EPHA6: variants seen among roughly 807,000 people sequenced by gnomAD.
EPHA6 encodes the protein ephrin type-A receptor 6.
A neutral mutation model predicts 112.0 loss-of-function variants in EPHA6; 50 were observed. The observed-to-expected ratio is 0.45, with a 90% confidence interval of 0.36 to 0.56. The LOEUF (loss-of-function observed/expected upper bound fraction) is 0.56, where lower values mean the gene tolerates loss of function less well. EPHA6 is among the 20% of genes least tolerant of loss of function. EPHA6 has a pLI of 0.00. For missense variants in EPHA6, 1,280 were observed against 1,417.4 expected (o/e 0.90, Z 1.56); for synonymous variants, 529 against 490.7 (o/e 1.08, Z -1.03).
chr3:97,708,451 G>C (rs532691539), intron 14 of EPHA6, among the ~76,000 whole-genome samples: 1 of 152,224 alleles, frequency 6.6e-6, no homozygotes, highest in African/African-American at 2.4e-5. Flanking sequence ...TGTACACAAA[G>C]AGATGGTCTG....
chr3:97,252,388 G>A (rs1456960178), intron 5 of EPHA6, among the ~76,000 whole-genome samples: 2 of 152,068 alleles, frequency 1.3e-5, no homozygotes, highest in East Asian at 1.9e-4. Context: ...CTGCAAAGCA[G>A]AAACAGCTAC....
At chr3:96,868,190 CAG>C (rs916659826) in intron 2 of EPHA6, among the ~76,000 whole-genome samples, 8 of 141,056 alleles carry the variant, frequency 5.7e-5, no homozygotes, top group African/African-American at 1.7e-4. Flanking sequence ...GAGAGAGAGA[CAG>C]AGTGTGTGTG....
At chr3:97,490,085 T>C (rs2091801173) in intron 10 of EPHA6, among the ~76,000 whole-genome samples, 1 of 152,030 alleles carries the variant, frequency 6.6e-6, no homozygotes, top group Admixed American at 6.5e-5. Flanking sequence ...GTTTAATAAA[T>C]AAATAAAATT....
At chr3:97,660,298 T>C (rs968878581) in intron 14 of EPHA6, among the ~76,000 whole-genome samples, 1 of 152,088 alleles carries the variant, frequency 6.6e-6, no homozygotes, top group African/African-American at 2.4e-5. Context: ...TTTTCATCAA[T>C]ATAGTTTCTA....
intron 2 of EPHA6, among the ~76,000 whole-genome samples, chr3:96,975,282 A>C (rs1352682698): frequency 6.6e-6 from 1 of 152,112 alleles, no homozygotes; most frequent in Non-Finnish European, 1.5e-5. Context: ...ATGAAGCTCC[A>C]GGCCCAGCCC....
chr3:97,536,886 A>G (rs1277838758), intron 11 of EPHA6, among the ~76,000 whole-genome samples: 1 of 152,192 alleles, frequency 6.6e-6, no homozygotes, highest in Non-Finnish European at 1.5e-5. Context: ...GTGTAAGTAA[A>G]TTAGACTAGA....
At chr3:97,129,165 T>A (rs2048266057) in intron 3 of EPHA6, among the ~76,000 whole-genome samples, 1 of 152,108 alleles carries the variant, frequency 6.6e-6, no homozygotes, top group Non-Finnish European at 1.5e-5. Flanking sequence ...TAGAATCACC[T>A]GTCTATAGTA....
At chr3:97,019,761 A>G (rs2044388242) in intron 3 of EPHA6, among the ~76,000 whole-genome samples, 1 of 152,152 alleles carries the variant, frequency 6.6e-6, no homozygotes, top group Non-Finnish European at 1.5e-5. Context: ...ACTCGAGAAC[A>G]TGTATATACA....
chr3:97,185,742 C>T lies in EPHA6; in HGVS notation c.1115-40522C>T, dbSNP rs201883278. 2.2e-3 allele frequency among the ~76,000 whole-genome samples: 341 copies of T among 151,920 alleles called. 2 individuals carry two copies. Among genetic ancestry groups the T allele is most frequent in the African/African-American group, 7.2e-3 (296 of 41,370 alleles). ...ATACCCAAAGGATTATAAATCATGCCGCTATAAAGACACATGCACACGTAT... is the reference window on the plus strand; with the variant it reads ...ATACCCAAAGGATTATAAATCATGCTGCTATAAAGACACATGCACACGTAT... On this transcript the variant is annotated intron_variant, in intron 3 of 17. Coordinates refer to ENST00000389672, the MANE Select transcript of EPHA6 (RefSeq NM_001080448.3).
intron 5 of EPHA6, among the ~76,000 whole-genome samples, chr3:97,372,793 A>G (rs2085136563): frequency 1.3e-5 from 2 of 152,148 alleles, no homozygotes; most frequent in Admixed American, 6.6e-5. Context: ...TATAACATGC[A>G]TTGTTTAAGT....
chr3:97,063,132 G>C (rs1435131194), intron 3 of EPHA6, among the ~76,000 whole-genome samples: 1 of 152,142 alleles, frequency 6.6e-6, no homozygotes. Flanking sequence ...CATTGTGGAA[G>C]ACAGTGTGGC....
At chr3:96,862,511 G>A (rs1027911877) in intron 1 of EPHA6, among the ~76,000 whole-genome samples, 2 of 151,736 alleles carry the variant, frequency 1.3e-5, no homozygotes, top group African/African-American at 2.4e-5. Context: ...CAATTTACAT[G>A]ACATTGACTT....
At chr3:97,094,738 T>C (rs2047184598) in intron 3 of EPHA6, among the ~76,000 whole-genome samples, 3 of 152,138 alleles carry the variant, frequency 2.0e-5, no homozygotes, top group Admixed American at 6.6e-5. Context: ...ATTTTAGCCT[T>C]CACATTTTAA....
chr3:96,917,442 A>AT (rs977057513), intron 2 of EPHA6, among the ~76,000 whole-genome samples: 1 of 150,154 alleles, frequency 6.7e-6, no homozygotes, highest in Non-Finnish European at 1.5e-5. Flanking sequence ...AAAAAAAAGA[A>AT]TTTTTTTTCA....
chr3:97,244,701 A>T (rs2078938091), intron 5 of EPHA6: 1 of 198,788 alleles, frequency 5.0e-6, no homozygotes, highest in Non-Finnish European at 1.0e-5. Flanking sequence ...TTAAAACTAT[A>T]ATTCATGTCT....
intron 11 of EPHA6, among the ~76,000 whole-genome samples, chr3:97,539,481 TA>T (rs1423009960): frequency 5.9e-5 from 9 of 152,132 alleles, no homozygotes; most frequent in African/African-American, 2.2e-4. Context: ...AGGTGTTCAG[TA>T]ATGAATAAGA....
intron 14 of EPHA6, chr3:97,648,628 A>C: frequency 9.0e-7 from 1 of 1,116,688 alleles, no homozygotes; most frequent in Non-Finnish European, 1.1e-6. Flanking sequence ...ATTCGTCTGG[A>C]GATCATGCTT....
chr3:96,930,065 A>G (rs1265681744), intron 2 of EPHA6, among the ~76,000 whole-genome samples: 1 of 152,178 alleles, frequency 6.6e-6, no homozygotes, highest in Non-Finnish European at 1.5e-5. Context: ...TTCAGGTCTA[A>G]CAGGTTAATT....
intron 3 of EPHA6, among the ~76,000 whole-genome samples, chr3:97,144,109 C>T (rs1444749811): frequency 6.6e-6 from 1 of 151,612 alleles, no homozygotes; most frequent in African/African-American, 2.4e-5. Flanking sequence ...AATTTCATGG[C>T]CTTCCCTGGC....
Sources: allele counts gnomAD v4.1 joint callset (sites outside exome capture counted in the v4.1 genomes callset), GRCh38; gene constraint gnomAD v4.1.1; transcripts MANE v1.5; gene names NCBI Gene and HGNC (gene_info 2026-07-23, HGNC 2026-07-21).